ADAM23: variants seen among roughly 807,000 people sequenced by gnomAD.
ADAM23 encodes the protein disintegrin and metalloproteinase domain-containing protein 23.
In ADAM23, 33 loss-of-function variants were observed where a neutral mutation model predicts 120.1. The ratio of observed to expected loss-of-function variants is 0.27; its 90% CI spans 0.21 to 0.37. The LOEUF is 0.37. Ranked by LOEUF, ADAM23 falls within the 10% of genes least tolerant of loss-of-function variation. The pLI is 1.00. For synonymous variants in ADAM23, 367 were observed against 375.2 expected, an observed-to-expected ratio of 0.98 and a Z score of 0.25; for missense variants, 862 against 1,058.2, an observed-to-expected ratio of 0.81 and a Z score of 2.57.
At chr2:206,526,795 T>C (rs1696955543) in intron 3 of ADAM23, among the ~76,000 whole-genome samples, 2 of 152,244 alleles carry the variant, frequency 1.3e-5, no homozygotes, top group Admixed American at 6.5e-5. Flanking sequence ...GATTCTTGGC[T>C]CATTTGTCAT....
At chr2:206,444,728 C>T (rs958812330) in intron 1 of ADAM23, among the ~76,000 whole-genome samples, 20 of 152,206 alleles carry the variant, frequency 1.3e-4, no homozygotes, top group Admixed American at 1.0e-3. Flanking sequence ...GGGAAGCTGC[C>T]AGCATCTGTA....
chr2:206,611,436 T>A (rs563789215), intron 25 of ADAM23, among the ~76,000 whole-genome samples: 1 of 125,372 alleles, frequency 8.0e-6, no homozygotes, highest in African/African-American at 2.7e-5. Flanking sequence ...AAGCAAAACT[T>A]TTCTTAGTGT....
At chr2:206,505,950 T>C (rs1405344752) in intron 3 of ADAM23, among the ~76,000 whole-genome samples, 2 of 152,168 alleles carry the variant, frequency 1.3e-5, no homozygotes, top group African/African-American at 4.8e-5. Flanking sequence ...TCCTTTTCCT[T>C]AGAGAGAGAA....
At chr2:206,464,599 A>T (rs1389074322) in intron 2 of ADAM23, among the ~76,000 whole-genome samples, 1 of 151,960 alleles carries the variant, frequency 6.6e-6, no homozygotes. Flanking sequence ...ATAATAATAA[A>T]AAGAAACAAA....
chr2:206,515,334 T>G (rs1696707783), intron 3 of ADAM23, among the ~76,000 whole-genome samples: 2 of 152,142 alleles, frequency 1.3e-5, no homozygotes, highest in African/African-American at 4.8e-5. Context: ...TAAATATAAG[T>G]TTGCACATTC....
At position 206,483,607 on chromosome 2, in the gene ADAM23, A is replaced by G. The variant is rs1216987706; in HGVS notation, c.509+2299A>G. Reference sequence around the variant, plus strand: ...ATTGAGAAGGAGTGATTGGAGAAATAGGACAATCAGGAGAATGATTAAACA... The same window carrying G: ...ATTGAGAAGGAGTGATTGGAGAAATGGGACAATCAGGAGAATGATTAAACA... On this transcript the variant is annotated intron_variant, in intron 3 of 25. Transcript: ENST00000264377. Among the ~76,000 whole-genome samples the G allele has an allele frequency of 5.3e-5, 8 of 152,190 alleles. No individual in the cohort carries two copies. In the East Asian group the frequency reaches 1.5e-3, roughly 29 times the overall value.
intron 4 of ADAM23, among the ~76,000 whole-genome samples, chr2:206,532,690 T>C (rs1445376335): frequency 6.6e-6 from 1 of 152,146 alleles, no homozygotes; most frequent in East Asian, 1.9e-4. Context: ...GTAGCAAAAT[T>C]TTAAATATTT....
intron 5 of ADAM23, 77 bp downstream of exon 5, chr2:206,542,211 A>T: frequency 7.1e-7 from 1 of 1,416,110 alleles, no homozygotes; most frequent in East Asian, 2.3e-5. Context: ...TATTTTAGTG[A>T]CTCTTCCGTG....
chr2:206,532,462 A>G (rs1419594048), intron 4 of ADAM23, among the ~76,000 whole-genome samples: 1 of 152,106 alleles, frequency 6.6e-6, no homozygotes, highest in African/African-American at 2.4e-5. Context: ...AGGTATTTCA[A>G]CTCTAGCAAA....
At chr2:206,444,924 A>T (rs1452659050) in intron 1 of ADAM23, among the ~76,000 whole-genome samples, 3 of 152,314 alleles carry the variant, frequency 2.0e-5, no homozygotes, top group African/African-American at 4.8e-5. Flanking sequence ...GTGGACTCAG[A>T]GAAGGGGTGG....
At chr2:206,486,921 A>G (rs911440065) in intron 3 of ADAM23, among the ~76,000 whole-genome samples, 1 of 152,146 alleles carries the variant, frequency 6.6e-6, no homozygotes, top group African/African-American at 2.4e-5. Flanking sequence ...GTGACCGCTA[A>G]TCTACATTCT....
At chr2:206,583,355 G>A (rs890390612) in intron 18 of ADAM23, among the ~76,000 whole-genome samples, 1 of 152,030 alleles carries the variant, frequency 6.6e-6, no homozygotes, top group Non-Finnish European at 1.5e-5. Flanking sequence ...TCAGGAGGCT[G>A]AGGCAGGAGA....
At chr2:206,592,878 A>G in intron 22 of ADAM23, 142 bp downstream of exon 22, 2 of 1,065,180 alleles carry the variant, frequency 1.9e-6, no homozygotes, top group Non-Finnish European at 2.6e-6. Context: ...ATCACCTTTC[A>G]TATTGACAGT....
chr2:206,521,006 T>A (rs1696832161), intron 3 of ADAM23, among the ~76,000 whole-genome samples: 1 of 152,120 alleles, frequency 6.6e-6, no homozygotes, highest in Non-Finnish European at 1.5e-5. Context: ...GTCTATAGGA[T>A]CTTCTCTTTC....
intron 2 of ADAM23, among the ~76,000 whole-genome samples, chr2:206,462,058 G>A (rs1230152442): frequency 2.0e-5 from 3 of 152,132 alleles, no homozygotes; most frequent in Non-Finnish European, 4.4e-5. Context: ...AGGAAGTCCA[G>A]AAAGTCCTGA....
intron 4 of ADAM23, among the ~76,000 whole-genome samples, chr2:206,539,477 A>G (rs922098495): frequency 2.6e-5 from 4 of 152,196 alleles, no homozygotes; most frequent in South Asian, 2.1e-4. Context: ...TGGACTTGAG[A>G]ACCTGAAGAT....
intron 2 of ADAM23, among the ~76,000 whole-genome samples, chr2:206,473,021 A>G (rs1695692664): frequency 6.6e-6 from 1 of 152,130 alleles, no homozygotes; most frequent in South Asian, 2.1e-4. Context: ...AGATTGATTA[A>G]CATTTTCGGG....
intron 24 of ADAM23, chr2:206,605,805 G>A: frequency 1.4e-6 from 1 of 702,344 alleles, no homozygotes; most frequent in South Asian, 1.5e-5. Context: ...ATGGCCACAA[G>A]CAGGCTAATA....
intron 23 of ADAM23, 35 bp downstream of exon 23, chr2:206,594,940 A>G (rs752806080): frequency 3.7e-6 from 6 of 1,607,226 alleles, no homozygotes; most frequent in East Asian, 2.2e-5. Flanking sequence ...TGGAACCTTC[A>G]TGGTCTGGCA....
Sources: allele counts gnomAD v4.1 joint callset (sites outside exome capture counted in the v4.1 genomes callset), GRCh38; gene constraint gnomAD v4.1.1; transcripts MANE v1.5; gene names NCBI Gene and HGNC (gene_info 2026-07-23, HGNC 2026-07-21).